Variants in TPP2 observed in about 807,000 individuals in gnomAD.
TPP2 encodes tripeptidyl peptidase 2.
In TPP2, 34 loss-of-function variants were observed where a neutral mutation model predicts 155.9. That is an observed-to-expected ratio of 0.22 (90% CI 0.17 to 0.29). The LOEUF (loss-of-function observed/expected upper bound fraction) is 0.29, where lower values mean the gene tolerates loss of function less well. Ranked by LOEUF, TPP2 falls within the 10% of genes least tolerant of loss-of-function variation. The pLI is 1.00. For missense variants in TPP2, 1,028 were observed against 1,522.3 expected (o/e 0.68, Z 5.40); for synonymous variants, 510 against 529.4 (o/e 0.96, Z 0.50).
intron 24 of TPP2, among the ~76,000 whole-genome samples, chr13:102,652,472 A>T (rs919415962): frequency 6.8e-6 from 1 of 146,698 alleles, no homozygotes; most frequent in Non-Finnish European, 1.5e-5. Flanking sequence ...CCACATATTT[A>T]ATAAGCTTTC....
At position 102,634,077 on chromosome 13, in the gene TPP2, G is replaced by A; in HGVS notation, c.1372G>A (p.Gly458Ser). The A allele has an allele frequency of 1.2e-6, 2 of 1,614,048 alleles. No individual in the cohort carries two copies. Among genetic ancestry groups the A allele is most frequent in the Non-Finnish European group, 1.7e-6 (2 of 1,179,948 alleles). The change falls in exon 11 of 30, where the codon GGC becomes AGC. Residue 458 changes from glycine (G) to serine (S), a missense_variant. Coordinates refer to ENST00000376052, the MANE Select transcript of TPP2 (RefSeq NM_001330588.2). ...TATGTCTTCCCCCAATGCATGTGGA[G>A]GCATTGCCCTGATCCTTTCAGGTAA... ...TSMSSPNACG[G>S]IALILSGLKA...
chr13:102,656,545 C>A (rs767636480), intron 24 of TPP2, among the ~76,000 whole-genome samples: 1 of 152,098 alleles, frequency 6.6e-6, no homozygotes, highest in Non-Finnish European at 1.5e-5. Flanking sequence ...TTCTTCCTAT[C>A]AGATGTCAGC....
At chr13:102,627,646 ACTACTTTTTTATGTGT>A (rs1340103880) in intron 7 of TPP2, among the ~76,000 whole-genome samples, 186 bp from the exon 8 acceptor site, 1 of 148,784 alleles carries the variant, frequency 6.7e-6, no homozygotes, top group African/African-American at 2.5e-5. Context: ...TTTTTTAATG[ACTACTTTTTTATGTGT>A]CTCCTCCTAC....
At chr13:102,637,541 C>CTTGTTGTTGTTGTTGTTGTTGTTG (rs11272845) in intron 14 of TPP2, among the ~76,000 whole-genome samples, 3 of 151,096 alleles carry the variant, frequency 2.0e-5, no homozygotes, top group Middle Eastern at 6.8e-3. Flanking sequence ...GCTGCAGTTG[C>CTTGTTGTTGTTGTTGTTGTTGTTG]TTGTTGTTGT....
chr13:102,622,877 A>G lies in TPP2; in HGVS notation c.621A>G (p.Arg207=). 6.2e-7 allele frequency: 1 copy of G among 1,607,384 alleles called. No individual in the cohort carries two copies. The highest frequency in any genetic ancestry group is 8.5e-7 in the Non-Finnish European group (1 of 1,178,326). The part of the protein sequence containing the change: ...CLVWHDGEVW[R]ACIDSNEDGD... Reference sequence around the variant, plus strand: ...GTCTCCATTTCTTTTTAATTAATAGAGCCTGCATTGATTCTAATGAAGATG... The same window carrying G: ...GTCTCCATTTCTTTTTAATTAATAGGGCCTGCATTGATTCTAATGAAGATG... The change falls in exon 6 of 30, where the codon AGA becomes AGG. Residue 207 remains arginine (R), a splice_region_variant and synonymous_variant. Coordinates refer to ENST00000376052, the MANE Select transcript of TPP2 (RefSeq NM_001330588.2).
intron 27 of TPP2, among the ~76,000 whole-genome samples, chr13:102,667,441 T>G (rs1884682329): frequency 1.3e-5 from 2 of 152,220 alleles, no homozygotes; most frequent in Non-Finnish European, 2.9e-5. Context: ...TTATGAAACT[T>G]ATCATCTAAT....
chr13:102,676,221 A>G (rs1185809161), intron 28 of TPP2, 75 bp from the exon 29 acceptor site: 1 of 1,328,676 alleles, frequency 7.5e-7, no homozygotes, highest in Non-Finnish European at 1.0e-6. Flanking sequence ...TTAAAGCCTT[A>G]ATTTTATGGT....
Position 102,658,522 on chromosome 13 carries a change from C to T in TPP2, c.3143+1315C>T, listed in dbSNP as rs140930984. ...CTGAGGAGACCCATGATGCTGGTCC[C>T]CAGTAAAACTAGTGAAAATTATTTA... On this transcript the variant is annotated intron_variant, in intron 25 of 29. Transcript: ENST00000376052. Among the ~76,000 whole-genome samples the T allele has an allele frequency of 8.7e-3, 1,329 of 152,202 alleles. 28 individuals are homozygous for T. Among genetic ancestry groups the T allele is most frequent in the African/African-American group, 0.03 (1,226 of 41,506 alleles).
rs777388467 is a variant in TPP2, at chr13:102,637,122, G to T, written c.1719G>T (p.Leu573=). ...EKISLQLHLA[L]TSNSSWVQCP... ...TATCCCTTCAGCTTCATTTAGCTCT[G>T]ACTTCAAATTCATCTTGGGTTCAGT... The change falls in exon 14 of 30, where the codon CTG becomes CTT. Residue 573 remains leucine (L), a synonymous_variant. Transcript: ENST00000376052. 2.5e-6 allele frequency: 4 copies of T among 1,611,194 alleles called. No individual in the cohort carries two copies. In the South Asian group the frequency reaches 4.4e-5, roughly 18 times the overall value.
intron 1 of TPP2, among the ~76,000 whole-genome samples, chr13:102,601,848 A>G (rs1879454017): frequency 6.6e-6 from 1 of 151,994 alleles, no homozygotes; most frequent in Non-Finnish European, 1.5e-5. Context: ...TATTAAAGTA[A>G]GAAATTCATG....
chr13:102,640,776 G>A (rs989789105), intron 16 of TPP2, among the ~76,000 whole-genome samples: 4 of 150,140 alleles, frequency 2.7e-5, no homozygotes, highest in South Asian at 2.1e-4. Flanking sequence ...TCAGCCTCCC[G>A]AGTAGCTTGG....
intron 2 of TPP2, among the ~76,000 whole-genome samples, chr13:102,608,596 A>G (rs1880027981): frequency 1.3e-5 from 2 of 151,930 alleles, no homozygotes; most frequent in Admixed American, 6.5e-5. Flanking sequence ...AATTTTGCCT[A>G]TTTTTAATTG....
rs924573536 is a variant in TPP2 at position 102,636,236 on chromosome 13, T to C, written c.1522T>C (p.Tyr508His). The part of the protein sequence containing the change: ...GHGIIQVDKA[Y>H]DYLVQNTSFA... ...TTATTTTCACTAGGTTGATAAAGCC[T>C]ATGACTACCTCGTTCAGAATACATC... The change falls in exon 13 of 30, where the codon TAT (tyrosine) becomes CAT (histidine). Residue 508 changes from tyrosine (Y) to histidine (H), a missense_variant. By Grantham distance (83) the Tyr-to-His change is moderately conservative. Transcript: ENST00000376052. 6.8e-6 allele frequency: 11 copies of C among 1,611,546 alleles called. No individual in the cohort carries two copies. The African/African-American group carries it at 1.2e-4, about 18-fold the overall frequency.
chr13:102,678,044 G>A (rs563969881), intron 29 of TPP2, among the ~76,000 whole-genome samples, 183 bp from the exon 30 acceptor site: 141 of 152,266 alleles, frequency 9.3e-4, no homozygotes, highest in Non-Finnish European at 1.8e-3. Flanking sequence ...TAGGAAAGTT[G>A]GTTGATAGTA....
At chr13:102,616,021 A>G (rs1194117955) in intron 3 of TPP2, among the ~76,000 whole-genome samples, 2 of 151,892 alleles carry the variant, frequency 1.3e-5, no homozygotes, top group Admixed American at 1.3e-4. Context: ...CAGTGGCTCA[A>G]TCTCTGCTCA....
At chr13:102,668,686 A>G (rs1252478231) in intron 27 of TPP2, among the ~76,000 whole-genome samples, 2 of 152,200 alleles carry the variant, frequency 1.3e-5, no homozygotes, top group East Asian at 3.8e-4. Context: ...AATCTAAATG[A>G]TGATCCCAAT....
chr13:102,609,946 C>T (rs931258615), intron 2 of TPP2, among the ~76,000 whole-genome samples: 4 of 152,120 alleles, frequency 2.6e-5, no homozygotes, highest in Admixed American at 2.6e-4. Flanking sequence ...TGGGATGGGG[C>T]AATGGGAGTG....
At chr13:102,605,085 A>G (rs1402220689) in intron 2 of TPP2, among the ~76,000 whole-genome samples, 164 bp downstream of exon 2, 2 of 151,888 alleles carry the variant, frequency 1.3e-5, no homozygotes, top group African/African-American at 4.8e-5. Flanking sequence ...ATTACCTCGG[A>G]GTTTCTGTGA....
chr13:102,656,602 G>A (rs1190674073), intron 24 of TPP2, among the ~76,000 whole-genome samples: 2 of 152,068 alleles, frequency 1.3e-5, no homozygotes, highest in Non-Finnish European at 2.9e-5. Flanking sequence ...GCACATCGCG[G>A]GGACTCAGTA....
Sources: allele counts gnomAD v4.1 joint callset (sites outside exome capture counted in the v4.1 genomes callset), GRCh38; gene constraint gnomAD v4.1.1; transcripts MANE v1.5; gene names NCBI Gene and HGNC (gene_info 2026-07-23, HGNC 2026-07-21).